TMPRSS11B: variants seen among roughly 807,000 people sequenced by gnomAD.
TMPRSS11B encodes transmembrane protease serine 11B.
TMPRSS11B carries 53 observed loss-of-function variants against 44.7 expected under a neutral mutation model. That is an observed-to-expected ratio of 1.19 (90% CI 0.95 to 1.49). The LOEUF is 1.49. Among genes scored for constraint, TMPRSS11B ranks in the 40% most tolerant of loss-of-function variants. The pLI, the probability that TMPRSS11B is intolerant of heterozygous loss-of-function variation, is 0.00. For synonymous variants in TMPRSS11B, 140 were observed against 159.2 expected (o/e 0.88, Z 0.91); for missense variants, 526 against 494.8 (o/e 1.06, Z -0.60).
chr4:68,238,540 T>A (rs1000073285), intron 2 of TMPRSS11B, among the ~76,000 whole-genome samples: 1 of 146,944 alleles, frequency 6.8e-6, no homozygotes, highest in African/African-American at 2.5e-5. Context: ...CTAGCCAACA[T>A]GGTGAAACCC....
intron 1 of TMPRSS11B, among the ~76,000 whole-genome samples, chr4:68,244,561 C>T (rs2109967537): frequency 6.6e-6 from 1 of 152,282 alleles, no homozygotes; most frequent in East Asian, 1.9e-4. Context: ...AGCTCCATCA[C>T]AGGGGAAAAA....
At chr4:68,240,521 T>A (rs1281110454) in intron 2 of TMPRSS11B, among the ~76,000 whole-genome samples, 1 of 152,148 alleles carries the variant, frequency 6.6e-6, no homozygotes, top group African/African-American at 2.4e-5. Flanking sequence ...CATTAAGACC[T>A]TGCTTCCCCA....
intron 5 of TMPRSS11B, among the ~76,000 whole-genome samples, chr4:68,233,870 G>A (rs1183205926): frequency 6.6e-6 from 1 of 151,926 alleles, no homozygotes; most frequent in Non-Finnish European, 1.5e-5. Flanking sequence ...AAAGCAAGGA[G>A]TAGAAAAGAA....
chr4:68,234,407 A>G (rs1719603581), intron 5 of TMPRSS11B, 56 bp downstream of exon 5: 1 of 1,543,950 alleles, frequency 6.5e-7, no homozygotes, highest in Non-Finnish European at 8.7e-7. Flanking sequence ...TACTTTTTAA[A>G]AAAATAATCC....
chr4:68,234,764 T>A (rs1719616778), intron 4 of TMPRSS11B, 141 bp from the exon 5 acceptor site: 2 of 848,312 alleles, frequency 2.4e-6, no homozygotes, highest in East Asian at 2.9e-5. Flanking sequence ...TCTAAGCATG[T>A]ATAAAATTCA....
Position 68,229,350 on chromosome 4 carries a change from A to C in TMPRSS11B, c.853T>G (p.Tyr285Asp), listed in dbSNP as rs1355973907. 2 of 1,614,062 alleles carry C rather than the reference A, an allele frequency of 1.2e-6. No individual in the cohort carries two copies. Among genetic ancestry groups the C allele is most frequent in the Non-Finnish European group, 1.7e-6 (2 of 1,179,970 alleles). Residue 285 changes from tyrosine to aspartate, a missense_variant, in exon 8 of 10, where the codon TAC becomes GAC. Physicochemically the swap from Tyr to Asp is radical, Grantham distance 160 (BLOSUM62 -3). Transcript: ENST00000332644. ...QLAEEVSFTE[Y>D]IRKICLPEAK... is the part of the protein sequence containing the mutation. ...TCAGGAAGACAAATCTTACGAATGTACTCTGTAAAAGAAACTTCTTCAGCA... is the reference window on the plus strand; with the variant it reads ...TCAGGAAGACAAATCTTACGAATGTCCTCTGTAAAAGAAACTTCTTCAGCA...
Position 68,231,179 on chromosome 4 carries a change from A to G in TMPRSS11B, c.686+24T>C, listed in dbSNP as rs754625703. On this transcript the variant is annotated intron_variant, in intron 7 of 9. Transcript: ENST00000332644. Reference sequence around the variant, plus strand: ...AATAGTTTTGCACCTAGCATCCTTCATTTAGTCAAATTTTCAAACTTACTT... The same window carrying G: ...AATAGTTTTGCACCTAGCATCCTTCGTTTAGTCAAATTTTCAAACTTACTT... The G allele has an allele frequency of 3.1e-6, 5 of 1,588,448 alleles. No individual in the cohort carries two copies. In the Admixed American group the frequency reaches 5.3e-5, roughly 17 times the overall value.
At position 68,231,304 on chromosome 4, in the gene TMPRSS11B, T is replaced by C; in HGVS notation, c.585A>G (p.Ala195=). The change falls in exon 7 of 10, where the codon GCA becomes GCG. Residue 195 remains alanine, a synonymous_variant. Coordinates refer to ENST00000332644, the MANE Select transcript of TMPRSS11B (RefSeq NM_182502.3). ...ATTGCATGCTGGCCTGCCATGGCCATGCCCCCTCCAGGGAGCTTTTTCCAT... is the reference window on the plus strand; with the variant it reads ...ATTGCATGCTGGCCTGCCATGGCCACGCCCCCTCCAGGGAGCTTTTTCCAT... ...IVNGKSSLEG[A]WPWQASMQWK... The C allele has an allele frequency of 6.2e-7, 1 of 1,614,006 alleles. No homozygotes were observed.
chr4:68,230,847 C>T (rs1279481469), intron 7 of TMPRSS11B, among the ~76,000 whole-genome samples: 1 of 150,996 alleles, frequency 6.6e-6, no homozygotes, highest in Non-Finnish European at 1.5e-5. Flanking sequence ...CAAGTTTTGT[C>T]ACCTTTCCTG....
At chr4:68,243,832 A>G (rs948320270) in intron 1 of TMPRSS11B, among the ~76,000 whole-genome samples, 6 of 152,164 alleles carry the variant, frequency 3.9e-5, no homozygotes, top group Non-Finnish European at 4.4e-5. Flanking sequence ...TGGTTTCAAA[A>G]TAATCACTGC....
intron 4 of TMPRSS11B, among the ~76,000 whole-genome samples, chr4:68,235,176 T>A (rs1401297874): frequency 6.6e-6 from 1 of 152,158 alleles, no homozygotes; most frequent in African/African-American, 2.4e-5. Context: ...ATATATTCAG[T>A]ACATTCTTTT....
At chr4:68,241,148 A>G (rs1176382617) in intron 2 of TMPRSS11B, among the ~76,000 whole-genome samples, 1 of 152,136 alleles carries the variant, frequency 6.6e-6, no homozygotes, top group Non-Finnish European at 1.5e-5. Context: ...TTAAGGACTT[A>G]TTTTTCAGAA....
At chr4:68,244,105 A>G (rs1182930708) in intron 1 of TMPRSS11B, among the ~76,000 whole-genome samples, 1 of 152,190 alleles carries the variant, frequency 6.6e-6, no homozygotes, top group Admixed American at 6.6e-5. Flanking sequence ...TTTAAAAATT[A>G]TGTTCTAAAT....
At chr4:68,238,991 T>G (rs1719747488) in intron 2 of TMPRSS11B, among the ~76,000 whole-genome samples, 1 of 152,220 alleles carries the variant, frequency 6.6e-6, no homozygotes, top group South Asian at 2.1e-4. Context: ...TGTTTAGATT[T>G]CTGATTCCAG....
intron 2 of TMPRSS11B, among the ~76,000 whole-genome samples, chr4:68,238,332 T>C (rs1255175775): frequency 6.6e-6 from 1 of 152,178 alleles, no homozygotes; most frequent in Non-Finnish European, 1.5e-5. Flanking sequence ...AAAAGATGAA[T>C]GCATATGAAG....
At chr4:68,238,707 A>G (rs1719741568) in intron 2 of TMPRSS11B, among the ~76,000 whole-genome samples, 1 of 152,156 alleles carries the variant, frequency 6.6e-6, no homozygotes, top group Non-Finnish European at 1.5e-5. Context: ...AGCCTGGGAG[A>G]TAGAGTGAGA....
intron 1 of TMPRSS11B, among the ~76,000 whole-genome samples, chr4:68,242,230 T>A (rs1424101739): frequency 4.0e-5 from 3 of 74,548 alleles, no homozygotes; most frequent in African/African-American, 2.1e-4. Flanking sequence ...TTATATTATA[T>A]TATATATATT....
chr4:68,243,466 C>T (rs1043885687), intron 1 of TMPRSS11B, among the ~76,000 whole-genome samples: 1 of 152,030 alleles, frequency 6.6e-6, no homozygotes, highest in African/African-American at 2.4e-5. Context: ...CTTTTGATGA[C>T]TTGTTAATTA....
chr4:68,229,552 G>A, intron 7 of TMPRSS11B, 36 bp from the exon 8 acceptor site: 1 of 1,583,666 alleles, frequency 6.3e-7, no homozygotes, highest in Non-Finnish European at 8.6e-7. Flanking sequence ...ACACTCAGTT[G>A]CTGGGTCACA....
Sources: allele counts gnomAD v4.1 joint callset (sites outside exome capture counted in the v4.1 genomes callset), GRCh38; gene constraint gnomAD v4.1.1; transcripts MANE v1.5; gene names NCBI Gene and HGNC (gene_info 2026-07-23, HGNC 2026-07-21).